BRAP: variants seen among roughly 807,000 people sequenced by gnomAD.
BRAP encodes the protein BRCA1-associated protein.
BRAP carries 42 observed loss-of-function variants against 73.4 expected under a neutral mutation model. That is an observed-to-expected ratio of 0.57 (90% confidence interval 0.45 to 0.74). The LOEUF is 0.74. Among genes scored for constraint, BRAP ranks in the 30% least tolerant of loss-of-function variants. BRAP has a pLI of 0.00. For missense variants in BRAP, 593 were observed against 751.4 expected, an observed-to-expected ratio of 0.79 and a Z score of 2.46; for synonymous variants, 255 against 267.4, an observed-to-expected ratio of 0.95 and a Z score of 0.45.
intron 6 of BRAP, among the ~76,000 whole-genome samples, chr12:111,662,616 A>G (rs191260529): frequency 1.2e-4 from 19 of 152,290 alleles, no homozygotes; most frequent in African/African-American, 3.6e-4. Flanking sequence ...AATGGAATAA[A>G]CAGGAAGAAC....
chr12:111,663,663 C>T (rs1886835284), intron 6 of BRAP, among the ~76,000 whole-genome samples: 1 of 152,148 alleles, frequency 6.6e-6, no homozygotes, highest in Non-Finnish European at 1.5e-5. Context: ...CTCTTCCAAT[C>T]TCCACCCTGA....
In BRAP at chr12:111,685,715, G is replaced by A. The variant is rs554156850; in HGVS notation, c.78C>T (p.Ala26=). Residue 26 remains alanine, a synonymous_variant, in exon 1 of 12, where the codon GCC becomes GCT. Transcript: ENST00000419234. ...SPVPAGFGFS[A]AAGEMSDEEI... ...CGGCGAGGCCGCGGGACTCACCCGC[G>A]GCGCTGAAGCCGAAGCCGGCGGGGA... The A allele has an allele frequency of 3.1e-6, 5 of 1,605,224 alleles. No homozygotes were observed. Among genetic ancestry groups the A allele is most frequent in the South Asian group, 2.2e-5 (2 of 90,182 alleles).
chr12:111,647,843 C>T lies in BRAP; in HGVS notation c.1415+2096G>A, dbSNP rs974621694. Among the ~76,000 whole-genome samples the T allele has an allele frequency of 2.7e-5, 4 of 146,394 alleles. No homozygotes were observed. The East Asian group carries it at 6.1e-4, about 22-fold the overall frequency. ...CCCGGAGGCAGATGTTGCAGTGAGC[C>T]GAGATCACACCATTGCAGCCTGGGC... On this transcript the variant is annotated intron_variant, in intron 11 of 11. Coordinates refer to ENST00000419234, the MANE Select transcript of BRAP (RefSeq NM_006768.5).
intron 9 of BRAP, 109 bp from the exon 10 acceptor site, chr12:111,655,764 A>ACAGAATG: frequency 1.2e-6 from 1 of 848,362 alleles, no homozygotes; most frequent in Admixed American, 2.0e-5. Flanking sequence ...AAACTAACCA[A>ACAGAATG]CAGAATGTAT....
chr12:111,657,837 C>T (rs1886591355), intron 9 of BRAP, among the ~76,000 whole-genome samples: 1 of 152,074 alleles, frequency 6.6e-6, no homozygotes, highest in Non-Finnish European at 1.5e-5. Context: ...CAAGACTGCA[C>T]CACTGTACTC....
At chr12:111,670,765 C>T (rs1256386489) in intron 5 of BRAP, among the ~76,000 whole-genome samples, 3 of 151,614 alleles carry the variant, frequency 2.0e-5, no homozygotes, top group Non-Finnish European at 4.4e-5. Flanking sequence ...GCTGGGATTA[C>T]AAGCATGAGA....
Position 111,644,362 on chromosome 12 carries a change from T to A in BRAP, c.1616A>T (p.Tyr539Phe), listed in dbSNP as rs760873725. Residue 539 changes from tyrosine (Y) to phenylalanine (F), a missense_variant, in exon 12 of 12, where the codon TAC becomes TTC. This residue lies in a region of BRAP where 143 missense variants were observed against 190.4 expected (regional missense o/e 0.75). Transcript: ENST00000419234. ...IQEQLRDVMF[Y>F]LETQQKINHL... ...GTTGATCTTCTGCTGTGTCTCCAGG[T>A]AGAACATGACGTCACGCAGCTGCTC... 14 of 1,613,598 alleles carry A rather than the reference T, an allele frequency of 8.7e-6. No individual in the cohort carries two copies. The highest frequency in any genetic ancestry group is 1.1e-5 in the Non-Finnish European group (13 of 1,179,970).
rs760989293 is a variant in BRAP, at chr12:111,679,199, T to G, written c.585A>C (p.Arg195Ser). Residue 195 changes from arginine (R) to serine (S), a missense_variant, in exon 4 of 12, where the codon AGA becomes AGC. Physicochemically the swap from Arg to Ser is moderately radical, Grantham distance 110. This residue lies in a region of BRAP where 304 missense variants were observed against 337.7 expected (regional missense o/e 0.90). Transcript: ENST00000419234. The stretch of plus-strand genomic sequence containing the variant: ...CCATATATTGGTTGGGAGTAGAGTC[T>G]CTGATAATTTTCATTTGTTCAATTA... ...NEVIEQMKIIRDSTPNQYMVL... is the reference protein window; with the variant it reads ...NEVIEQMKIISDSTPNQYMVL... 4.4e-6 allele frequency: 7 copies of G among 1,608,092 alleles called. No individual in the cohort carries two copies.
rs1886924524 is a variant in BRAP, at chr12:111,665,975, TG to T, written c.748-189del. Among the ~76,000 whole-genome samples the T allele has an allele frequency of 6.6e-6, 1 of 152,266 alleles. No individual in the cohort carries two copies. Among genetic ancestry groups the T allele is most frequent in the East Asian group, 1.9e-4 (1 of 5,200 alleles). ...TGCCCACCTCAGGCTCCCCAGTAGC[TG>T]GGACTACAGGCATGAGCCACTGTGC... On this transcript the variant is annotated intron_variant, in intron 5 of 11. Transcript: ENST00000419234. This position sits in a 1 kb window ranked among gnomAD's most constrained non-coding sequence, Gnocchi z 4.3.
At chr12:111,648,021 C>T (rs1056041464) in intron 11 of BRAP, among the ~76,000 whole-genome samples, 3 of 151,904 alleles carry the variant, frequency 2.0e-5, no homozygotes, top group Non-Finnish European at 1.5e-5. Context: ...GTGAGCTGGC[C>T]GAACACAGTG....
intron 10 of BRAP, among the ~76,000 whole-genome samples, chr12:111,652,269 G>C (rs1886354665): frequency 6.6e-6 from 1 of 152,172 alleles, no homozygotes; most frequent in Non-Finnish European, 1.5e-5. Context: ...TGTCGCCCAG[G>C]CTGGAGTGCA....
chr12:111,656,107 G>A (rs912563127), intron 9 of BRAP, among the ~76,000 whole-genome samples: 15 of 152,178 alleles, frequency 9.9e-5, no homozygotes, highest in African/African-American at 3.6e-4. Context: ...TTACCTGCCT[G>A]TCTCCCTGAC....
In BRAP at chr12:111,643,673, C is replaced by A. The variant is rs2135887213; in HGVS notation, c.*526G>T. The A allele has an allele frequency of 6.6e-6, 1 of 152,582 alleles. No homozygotes were observed. The highest frequency in any genetic ancestry group is 2.1e-4 in the South Asian group (1 of 4,824). 9.5% of individuals were successfully genotyped at this position (152,582 alleles called of 1,614,324 possible). On this transcript the variant is annotated 3_prime_UTR_variant, in exon 12 of 12. Transcript: ENST00000419234. Reference sequence around the variant, plus strand: ...TTCAGATAACATTCAAGCAATTCTTCCACTCCCCAGAGGAAGGGGGAGATG... The same window carrying A: ...TTCAGATAACATTCAAGCAATTCTTACACTCCCCAGAGGAAGGGGGAGATG...
chr12:111,659,169 C>T (rs779094424), intron 8 of BRAP, 38 bp downstream of exon 8: 24 of 1,596,886 alleles, frequency 1.5e-5, no homozygotes, highest in South Asian at 3.3e-5. Context: ...AGTTTCCACA[C>T]AGAATGAGTC....
At chr12:111,653,090 G>A (rs1886389176) in intron 10 of BRAP, among the ~76,000 whole-genome samples, 1 of 152,154 alleles carries the variant, frequency 6.6e-6, no homozygotes, top group African/African-American at 2.4e-5. Flanking sequence ...CTACTAGGGA[G>A]ACTGAGGTGG....
Position 111,644,101 on chromosome 12 carries a change from G to C in BRAP, c.*98C>G. The C allele has an allele frequency of 6.7e-7, 1 of 1,484,872 alleles. No individual in the cohort carries two copies. The highest frequency in any genetic ancestry group is 9.0e-7 in the Non-Finnish European group (1 of 1,115,224). 92.0% of individuals were successfully genotyped at this position (1,484,872 alleles called of 1,614,324 possible). On this transcript the variant is annotated 3_prime_UTR_variant, in exon 12 of 12. Coordinates refer to ENST00000419234, the MANE Select transcript of BRAP (RefSeq NM_006768.5). ...AACAACTGTGGCTTGATCCTCACTT[G>C]TACTTATTAGGGCCCACCCTCACAT...
chr12:111,660,460 G>A (rs1886703495), intron 7 of BRAP, 140 bp downstream of exon 7: 2 of 643,990 alleles, frequency 3.1e-6, no homozygotes, highest in Non-Finnish European at 4.4e-6. Flanking sequence ...GACCAGCCTG[G>A]GCAACACAGT....
At chr12:111,684,728 C>T (rs1052158623) in intron 1 of BRAP, among the ~76,000 whole-genome samples, 2 of 150,846 alleles carry the variant, frequency 1.3e-5, no homozygotes, top group African/African-American at 4.9e-5. Context: ...GAGTGCAGTG[C>T]CACAATCTTG....
intron 6 of BRAP, among the ~76,000 whole-genome samples, chr12:111,664,197 T>C (rs898190997): frequency 6.6e-6 from 1 of 152,114 alleles, no homozygotes; most frequent in African/African-American, 2.4e-5. Flanking sequence ...CTGGGTGAGA[T>C]GGTGCACACC....
Sources: allele counts gnomAD v4.1 joint callset (sites outside exome capture counted in the v4.1 genomes callset), GRCh38; gene constraint gnomAD v4.1.1; regional missense constraint gnomAD v4.1.1; non-coding constraint Gnocchi (gnomAD v3.1); transcripts MANE v1.5; gene names NCBI Gene and HGNC (gene_info 2026-07-23, HGNC 2026-07-21).